Variants in DNAAF9 observed in about 807,000 individuals in gnomAD.
The protein encoded by DNAAF9 is dynein axonemal assembly factor 9.
DNAAF9 carries 90 observed loss-of-function variants against 167.0 expected under a neutral mutation model. The observed-to-expected ratio is 0.54, with a 90% CI of 0.45 to 0.64. The LOEUF (loss-of-function observed/expected upper bound fraction) is 0.64. Ranked by LOEUF, DNAAF9 falls within the 30% of genes least tolerant of loss-of-function variation. The pLI, the probability that DNAAF9 is intolerant of heterozygous loss-of-function variation, is 0.00. For missense variants in DNAAF9, 1,315 were observed against 1,442.2 expected (o/e 0.91, Z 1.43); for synonymous variants, 491 against 508.8 (o/e 0.96, Z 0.47).
intron 27 of DNAAF9, among the ~76,000 whole-genome samples, chr20:3,285,204 A>T (rs2068829715): frequency 6.6e-6 from 1 of 152,260 alleles, no homozygotes; most frequent in South Asian, 2.1e-4. Flanking sequence ...TAGGGGCTAA[A>T]GAAATCTCTG....
At chr20:3,362,409 A>G (rs1002294484) in intron 6 of DNAAF9, 3 of 446,782 alleles carry the variant, frequency 6.7e-6, no homozygotes, top group Middle Eastern at 5.8e-4. Flanking sequence ...ACTGCAGGCT[A>G]AGTACATTTT....
chr20:3,380,172 G>A (rs1450534912), intron 3 of DNAAF9, among the ~76,000 whole-genome samples: 1 of 152,212 alleles, frequency 6.6e-6, no homozygotes, highest in Non-Finnish European at 1.5e-5. Context: ...TGAAACGTGT[G>A]GCTGGTATGA....
intron 31 of DNAAF9, among the ~76,000 whole-genome samples, chr20:3,262,155 A>T (rs1469568280): frequency 4.6e-5 from 7 of 151,908 alleles, no homozygotes; most frequent in South Asian, 2.1e-4. Flanking sequence ...CTAGAAATGG[A>T]CTTAGGAGGG....
rs3082550 is a variant in DNAAF9 at position 3,332,900 on chromosome 20, G to GGTGTGTGTGT, written c.982-549_982-540dup. 9.1e-3 allele frequency among the ~76,000 whole-genome samples: 1,335 copies of GGTGTGTGTGT among 146,916 alleles called. 16 individuals carry two copies. The highest frequency in any genetic ancestry group is 0.016 in the Admixed American group (236 of 14,692). ...CATGCGTGTGTGCGTGTGTGCGTGT[G>GGTGTGTGTGT]GTGTGTGTGTGTGTGTGTGTGTGTG... On this transcript the variant is annotated intron_variant, in intron 10 of 36. Transcript: ENST00000252032.
intron 14 of DNAAF9, 25 bp from the exon 15 acceptor site, chr20:3,322,721 G>C: frequency 6.3e-7 from 1 of 1,589,356 alleles, no homozygotes; most frequent in Non-Finnish European, 8.6e-7. Context: ...CAAAACAAAA[G>C]AAAAATCAGT....
chr20:3,277,831 C>T (rs1021240474), intron 29 of DNAAF9, among the ~76,000 whole-genome samples: 1 of 152,190 alleles, frequency 6.6e-6, no homozygotes, highest in East Asian at 1.9e-4. Flanking sequence ...TTCCTCCCTC[C>T]AGGGACCAGC....
At chr20:3,381,210 A>G (rs892161119) in intron 3 of DNAAF9, among the ~76,000 whole-genome samples, 169 bp downstream of exon 3, 7 of 152,226 alleles carry the variant, frequency 4.6e-5, no homozygotes, top group African/African-American at 1.7e-4. Context: ...TTGCTACTAA[A>G]TATATCAGCA....
At chr20:3,296,006 T>G in intron 23 of DNAAF9, 1 of 1,385,274 alleles carries the variant, frequency 7.2e-7, no homozygotes, top group Non-Finnish European at 1.0e-6. Flanking sequence ...GTTGTACACA[T>G]CGGGAACTTC....
At position 3,314,672 on chromosome 20, in the gene DNAAF9, AGGGT is replaced by A. The variant is rs879935607; in HGVS notation, c.1678+357_1678+360del. Among the ~76,000 whole-genome samples, 21 of 152,288 alleles carry A rather than the reference AGGGT, an allele frequency of 1.4e-4. No individual in the cohort carries two copies. In the East Asian group the frequency reaches 3.7e-3, roughly 27 times the overall value. ...ACCTGGAGAACTGTGAGATAATAAG[AGGGT>A]GTTGTTTTAAGCTACTAAATTTGTG... On this transcript the variant is annotated intron_variant, in intron 20 of 36. Transcript: ENST00000252032.
At chr20:3,259,774 C>T in intron 32 of DNAAF9, 148 bp downstream of exon 32, 1 of 672,162 alleles carries the variant, frequency 1.5e-6, no homozygotes, top group Non-Finnish European at 2.7e-6. Flanking sequence ...TGTGTGACCA[C>T]CCACAATCCT....
At chr20:3,284,522 T>C (rs1014008498) in intron 27 of DNAAF9, among the ~76,000 whole-genome samples, 3 of 151,442 alleles carry the variant, frequency 2.0e-5, no homozygotes, top group African/African-American at 4.9e-5. Flanking sequence ...CTGACCCAAC[T>C]GTATGACGAA....
intron 10 of DNAAF9, among the ~76,000 whole-genome samples, chr20:3,334,485 T>C (rs1439050872): frequency 6.6e-6 from 1 of 152,256 alleles, no homozygotes; most frequent in Admixed American, 6.5e-5. Flanking sequence ...ACATCTTGGT[T>C]GCTTCTAAGT....
chr20:3,311,495 C>A (rs2422866), intron 20 of DNAAF9, among the ~76,000 whole-genome samples: 39,312 of 152,036 alleles, frequency 0.26, 5,326 homozygotes, highest in East Asian at 0.37. Flanking sequence ...AAGTGATCCT[C>A]CCACTTCAGC....
intron 10 of DNAAF9, among the ~76,000 whole-genome samples, chr20:3,338,924 G>A (rs1461363651): frequency 6.6e-6 from 1 of 151,828 alleles, no homozygotes; most frequent in Non-Finnish European, 1.5e-5. Context: ...GAAGTGCTGG[G>A]ATTACAGGTG....
chr20:3,377,685 C>T (rs1162933927), intron 3 of DNAAF9, among the ~76,000 whole-genome samples: 1 of 151,948 alleles, frequency 6.6e-6, no homozygotes, highest in Non-Finnish European at 1.5e-5. Flanking sequence ...GTCTCGAACT[C>T]CTAAGCTCAA....
chr20:3,346,190 G>A (rs1024890395), intron 8 of DNAAF9, among the ~76,000 whole-genome samples: 1 of 152,166 alleles, frequency 6.6e-6, no homozygotes, highest in Non-Finnish European at 1.5e-5. Context: ...TGCAGCAACA[G>A]GCATTCATAT....
At chr20:3,316,345 G>A (rs6051737) in intron 18 of DNAAF9, among the ~76,000 whole-genome samples, 31,405 of 151,962 alleles carry the variant, frequency 0.21, 3,552 homozygotes, top group African/African-American at 0.28. Context: ...TAAAAACTCC[G>A]TAGCAACCAC....
At chr20:3,360,485 A>T (rs1363995979) in intron 6 of DNAAF9, among the ~76,000 whole-genome samples, 2 of 152,196 alleles carry the variant, frequency 1.3e-5, no homozygotes, top group Non-Finnish European at 2.9e-5. Context: ...TAGTTTATTA[A>T]TAATAACTTT....
intron 6 of DNAAF9, among the ~76,000 whole-genome samples, chr20:3,364,498 T>C (rs2083405279): frequency 6.6e-6 from 1 of 152,166 alleles, no homozygotes; most frequent in East Asian, 1.9e-4. Context: ...GACAAAATCC[T>C]CCTGAGTGAT....
Sources: gnomAD v4.1 joint callset for allele counts (sites outside exome capture counted in the v4.1 genomes callset) on GRCh38, gnomAD v4.1.1 for gene constraint, MANE v1.5 for transcripts, NCBI Gene and HGNC (gene_info 2026-07-23, HGNC 2026-07-21) for gene names.